The following ACOT9 variants were observed in gnomAD, a reference collection of about 807,000 sequenced individuals.
ACOT9 encodes the protein acyl-coenzyme A thioesterase 9, mitochondrial.
A neutral mutation model predicts 39.7 loss-of-function variants in ACOT9; 34 were observed. The ratio of observed to expected loss-of-function variants is 0.86; its 90% CI spans 0.65 to 1.14. The LOEUF (loss-of-function observed/expected upper bound fraction) is 1.14. Ranked by LOEUF, ACOT9 falls within the 50% of genes most tolerant of loss-of-function variation. ACOT9 has a pLI of 0.00. For missense variants in ACOT9, 313 were observed against 344.1 expected, an observed-to-expected ratio of 0.91 and a Z score of 0.71; for synonymous variants, 110 against 120.5, an observed-to-expected ratio of 0.91 and a Z score of 0.57.
Position 23,703,703 on chromosome X carries a change from T to G in ACOT9, c.*191A>C, listed in dbSNP as rs1385355071. On this transcript the variant is annotated 3_prime_UTR_variant, in exon 16 of 16. Coordinates refer to ENST00000379303, the MANE Select transcript of ACOT9 (RefSeq NM_001037171.2). ...TGTCTTGAAAGTATTTATTGTTTAA[T>G]AATTCTTTCTCCCCTCAGCCCCATC... 2.8e-6 allele frequency: 1 copy of G among 359,636 alleles called. No homozygotes were observed. The highest frequency in any genetic ancestry group is 4.9e-6 in the Non-Finnish European group (1 of 204,830). 29.6% of individuals were successfully genotyped at this position (359,636 alleles called of 1,213,427 possible).
intron 1 of ACOT9, among the ~76,000 whole-genome samples, chrX:23,739,805 A>C (rs1042334363): frequency 3.6e-5 from 4 of 110,426 alleles, no homozygotes; most frequent in Non-Finnish European, 7.6e-5. Flanking sequence ...TCCAAAAAAA[A>C]AGGAAAGATA....
chrX:23,714,946 G>A (rs1044324023), intron 8 of ACOT9, among the ~76,000 whole-genome samples: 1 of 111,242 alleles, frequency 9.0e-6, no homozygotes, highest in Admixed American at 9.7e-5. Context: ...CTAGAAGTCT[G>A]TACTTCCAGG....
At position 23,703,593 on chromosome X, in the gene ACOT9, T is replaced by TAG. The variant is rs760154363; in HGVS notation, c.*299_*300dup. 7.3e-5 allele frequency: 14 copies of TAG among 192,965 alleles called. No homozygotes were observed. The highest frequency in any genetic ancestry group is 1.2e-4 in the Non-Finnish European group (13 of 104,701). The allele number at this position is 192,965 out of a possible 1,213,427, so 15.9% of individuals were successfully genotyped here. A position where few individuals can be genotyped will look rare whatever the true frequency, so the allele number is the denominator to read the frequency against. ...TCAGCCTCCCAAAGTGCTGGGATTA[T>TAG]AGGCATGAGCCACCACGCCCAGCCT... On this transcript the variant is annotated 3_prime_UTR_variant, in exon 16 of 16. Transcript: ENST00000379303.
chrX:23,734,220 A>G, intron 3 of ACOT9, 121 bp downstream of exon 3: 1 of 563,210 alleles, frequency 1.8e-6, no homozygotes, highest in Non-Finnish European at 2.9e-6. Context: ...AAAGACTTAC[A>G]TCAAGCTAAG....
intron 1 of ACOT9, among the ~76,000 whole-genome samples, chrX:23,738,734 G>T (rs1416203042): frequency 8.9e-5 from 10 of 111,763 alleles, no homozygotes; most frequent in African/African-American, 3.3e-4. Flanking sequence ...CACATTAATA[G>T]GAACTATAAT....
At chrX:23,706,094 G>A (rs184161087) in intron 11 of ACOT9, among the ~76,000 whole-genome samples, 1 of 110,793 alleles carries the variant, frequency 9.0e-6, no homozygotes, top group African/African-American at 3.3e-5. Flanking sequence ...GTGAAACCCC[G>A]TCTCTACTAA....
intron 11 of ACOT9, among the ~76,000 whole-genome samples, chrX:23,706,398 A>G (rs1355672883): frequency 9.2e-6 from 1 of 108,885 alleles, no homozygotes; most frequent in Non-Finnish European, 1.9e-5. Context: ...CGTCTCTACT[A>G]AAAATACAAA....
intron 14 of ACOT9, 58 bp from the exon 15 acceptor site, chrX:23,704,902 T>A (rs773977677): frequency 1.9e-5 from 22 of 1,178,081 alleles, no homozygotes; most frequent in Non-Finnish European, 2.5e-5. Context: ...AAAAAGGCAG[T>A]CATAAGAGAA....
In ACOT9 at chrX:23,719,890, G is replaced by A. The variant is rs189214710; in HGVS notation, c.588+1991C>T. Among the ~76,000 whole-genome samples the A allele has an allele frequency of 4.5e-5, 5 of 110,614 alleles. No individual in the cohort carries two copies. The East Asian group carries it at 1.4e-3, about 32-fold the overall frequency. ...CTCGCTCTGTCGCCCAGGCTGGAGAGCAGTGGTGTGATCTCGGCTCACTGC... is the reference window on the plus strand; with the variant it reads ...CTCGCTCTGTCGCCCAGGCTGGAGAACAGTGGTGTGATCTCGGCTCACTGC... On this transcript the variant is annotated intron_variant, in intron 8 of 15. Transcript: ENST00000379303.
chrX:23,707,513 C>T (rs1237970835), intron 10 of ACOT9, among the ~76,000 whole-genome samples: 2 of 111,077 alleles, frequency 1.8e-5, no homozygotes, highest in Non-Finnish European at 3.8e-5. Flanking sequence ...CCAAGGCAGG[C>T]GGATCACGAG....
chrX:23,731,215 C>T (rs1893205419), intron 4 of ACOT9, among the ~76,000 whole-genome samples: 1 of 112,343 alleles, frequency 8.9e-6, no homozygotes. Flanking sequence ...GTGTCTCACG[C>T]CTGTAATCCC....
chrX:23,743,158 C>A lies in ACOT9; in HGVS notation c.-14G>T. On this transcript the variant is annotated 5_prime_UTR_variant, in exon 1 of 16. Coordinates refer to ENST00000379303, the MANE Select transcript of ACOT9 (RefSeq NM_001037171.2). The stretch of plus-strand genomic sequence containing the variant: ...TGCCCGCCTCATTGCGCTAGGCTGC[C>A]GTGCGCGCGATGGAGAACCGGGCCC... 1 of 1,154,061 alleles carries A rather than the reference C, an allele frequency of 8.7e-7. No individual in the cohort carries two copies.
chrX:23,719,789 G>A (rs1342943416), intron 8 of ACOT9, among the ~76,000 whole-genome samples: 2 of 111,802 alleles, frequency 1.8e-5, no homozygotes, highest in South Asian at 3.7e-4. Context: ...CCCATGGCCC[G>A]GGGGTTGGGG....
chrX:23,742,233 A>AGAGAGAGAGAGAGAGAGG lies in ACOT9; in HGVS notation c.20+891_20+892insCCTCTCTCTCTCTCTCTC, dbSNP rs1920976919. On this transcript the variant is annotated intron_variant, in intron 1 of 15. Transcript: ENST00000379303. The stretch of plus-strand genomic sequence containing the variant: ...GTGAGTGAGAGAGAGAGAGAGAGAG[A>AGAGAGAGAGAGAGAGAGG]GAGGGAGAGAGAGAGAGAGAGAGAT... 7.6e-5 allele frequency among the ~76,000 whole-genome samples: 4 copies of AGAGAGAGAGAGAGAGAGG among 52,412 alleles called. No homozygotes were observed. The South Asian group carries it at 4.9e-3, about 64-fold the overall frequency. 45.5% of individuals were successfully genotyped at this position (52,412 alleles called of 115,157 possible).
Position 23,743,177 on chromosome X carries a change from C to G in ACOT9, c.-33G>C, listed in dbSNP as rs1025604404. The G allele has an allele frequency of 8.7e-7, 1 of 1,145,940 alleles. No homozygotes were observed. Among genetic ancestry groups the G allele is most frequent in the African/African-American group, 1.8e-5 (1 of 55,247 alleles). The allele number at this position is 1,145,940 out of a possible 1,213,427, so 94.4% of individuals were successfully genotyped here. On this transcript the variant is annotated 5_prime_UTR_variant, in exon 1 of 16. Transcript: ENST00000379303. ...GGCTGCCGTGCGCGCGATGGAGAAC[C>G]GGGCCCCGCGCGCTAGTCGGCGGAG... is the stretch of plus-strand genomic sequence containing the variant.
chrX:23,718,603 T>C (rs953938487), intron 8 of ACOT9, among the ~76,000 whole-genome samples: 1 of 111,922 alleles, frequency 8.9e-6, no homozygotes, highest in Non-Finnish European at 1.9e-5. Flanking sequence ...GAATATTTTT[T>C]AAAAGACTGT....
rs1382647937 is a variant in ACOT9 at position 23,734,373 on chromosome X, T to A, written c.119-6A>T. The A allele has an allele frequency of 8.5e-7, 1 of 1,176,199 alleles. No homozygotes were observed. Among genetic ancestry groups the A allele is most frequent in the African/African-American group, 1.8e-5 (1 of 56,871 alleles). On this transcript the variant is annotated splice_polypyrimidine_tract_variant and splice_region_variant and intron_variant, in intron 2 of 15. Transcript: ENST00000379303. The stretch of plus-strand genomic sequence containing the variant: ...CACATGTATAGATGAACATGCTATA[T>A]GAATAAAGGGAAAATCAATTAGAGA...
intron 11 of ACOT9, among the ~76,000 whole-genome samples, chrX:23,706,093 C>T (rs1006107035): frequency 1.3e-4 from 14 of 110,613 alleles, no homozygotes; most frequent in African/African-American, 3.9e-4. Context: ...GGTGAAACCC[C>T]GTCTCTACTA....
intron 8 of ACOT9, 126 bp from the exon 9 acceptor site, chrX:23,713,334 T>C: frequency 4.0e-6 from 2 of 504,972 alleles, no homozygotes; most frequent in Non-Finnish European, 6.6e-6. Context: ...TCCCAGCACT[T>C]TGAGAGGCCA....
Sources: gnomAD v4.1 joint callset for allele counts (sites outside exome capture counted in the v4.1 genomes callset) on GRCh38, gnomAD v4.1.1 for gene constraint, MANE v1.5 for transcripts, NCBI Gene and HGNC (gene_info 2026-07-23, HGNC 2026-07-21) for gene names.